The following ENC1 variants were observed in gnomAD, a reference collection of about 807,000 sequenced individuals.
ENC1 encodes ectodermal-neural cortex 1.
ENC1 carries 19 observed loss-of-function variants against 40.9 expected under a neutral mutation model. The ratio of observed to expected loss-of-function variants is 0.46; its 90% CI spans 0.32 to 0.68. The LOEUF (loss-of-function observed/expected upper bound fraction) is 0.68. Ranked by LOEUF, ENC1 falls within the 30% of genes least tolerant of loss-of-function variation. The pLI, the probability that ENC1 is intolerant of heterozygous loss-of-function variation, is 0.03. For missense variants in ENC1, 479 were observed against 737.5 expected, an observed-to-expected ratio of 0.65 and a Z score of 4.06; for synonymous variants, 285 against 291.1, an observed-to-expected ratio of 0.98 and a Z score of 0.21.
rs148438771 is a variant in ENC1, at chr5:74,635,148, T to C, written c.1338A>G (p.Leu446=). ...NAAVVSAKLK[L]FAFGGTSVSH... is the part of the protein sequence containing the mutation. ...TGACACTGGTACCTCCGAAAGCAAA[T>C]AACTTAAGTTTGGCACTCACTACTG... Residue 446 remains leucine, a synonymous_variant, in exon 2 of 3, where the codon TTA becomes TTG. Transcript: ENST00000302351. The surrounding 1 kb of genome is among the most constrained non-coding windows in gnomAD (Gnocchi z 5.5). The C allele has an allele frequency of 4.3e-6, 7 of 1,614,066 alleles. No individual in the cohort carries two copies. The highest frequency in any genetic ancestry group is 5.9e-6 in the Non-Finnish European group (7 of 1,180,038).
At chr5:74,631,284 A>G (rs1312705238) in intron 2 of ENC1, among the ~76,000 whole-genome samples, 1 of 151,928 alleles carries the variant, frequency 6.6e-6, no homozygotes, top group Non-Finnish European at 1.5e-5. Flanking sequence ...GGATAATCAA[A>G]GTAATTTCCT....
At chr5:74,631,209 AGAG>A (rs1747382853) in intron 2 of ENC1, among the ~76,000 whole-genome samples, 1 of 152,100 alleles carries the variant, frequency 6.6e-6, no homozygotes, top group Non-Finnish European at 1.5e-5. Flanking sequence ...AACAAAATCT[AGAG>A]AAGAAACAAA....
At position 74,636,306 on chromosome 5, in the gene ENC1, G is replaced by A; in HGVS notation, c.180C>T (p.His60=). The A allele has an allele frequency of 6.2e-7, 1 of 1,614,212 alleles. No individual in the cohort carries two copies. Among genetic ancestry groups the A allele is most frequent in the Non-Finnish European group, 8.5e-7 (1 of 1,180,046 alleles). ...LHAGNRTFPC[H]RAVLAACSRY... is the part of the protein sequence containing the mutation. ...GACTGCATGCAGCCAGCACTGCCCGGTGGCAAGGGAAGGTCCTATTTCCGG... is the reference window on the plus strand; with the variant it reads ...GACTGCATGCAGCCAGCACTGCCCGATGGCAAGGGAAGGTCCTATTTCCGG... Residue 60 remains histidine (H), a synonymous_variant, in exon 2 of 3, where the codon CAC becomes CAT. Transcript: ENST00000302351. The surrounding 1 kb of genome is among the most constrained non-coding windows in gnomAD (Gnocchi z 4.8).
At chr5:74,637,389 C>T (rs1747641291) in intron 1 of ENC1, 1 of 152,164 alleles carries the variant, frequency 6.6e-6, no homozygotes, top group Non-Finnish European at 1.5e-5. Context: ...ACAGCTCTAC[C>T]ACTGAAGAGT....
rs1747238134 is a variant in ENC1, at chr5:74,627,455, T to TG, written c.*2569dup. ...TTTATTGACCTTCAGTTTCACATTG[T>TG]GAAAAAAAAAAAAATAACAGTTTTA... On this transcript the variant is annotated 3_prime_UTR_variant, in exon 3 of 3. Coordinates refer to ENST00000302351, the MANE Select transcript of ENC1 (RefSeq NM_003633.4). 1 of 141,844 alleles carries TG rather than the reference T, an allele frequency of 7.1e-6. No homozygotes were observed. The highest frequency in any genetic ancestry group is 1.5e-5 in the Non-Finnish European group (1 of 65,642). 8.8% of individuals were successfully genotyped at this position (141,844 alleles called of 1,614,324 possible).
rs1747812820 is a variant in ENC1 at position 74,640,358 on chromosome 5, G to T, written c.-65C>A. On this transcript the variant is annotated 5_prime_UTR_variant, in exon 1 of 3. Coordinates refer to ENST00000302351, the MANE Select transcript of ENC1 (RefSeq NM_003633.4). ...AACTGAGTTCTAGCGACGGTCACGGGCAAGGAGGCGACGAACCGGTCGTCT... is the reference window on the plus strand; with the variant it reads ...AACTGAGTTCTAGCGACGGTCACGGTCAAGGAGGCGACGAACCGGTCGTCT... 6.6e-6 allele frequency: 1 copy of T among 152,396 alleles called. No individual in the cohort carries two copies. The highest frequency in any genetic ancestry group is 1.5e-5 in the Non-Finnish European group (1 of 68,172). 9.4% of individuals were successfully genotyped at this position (152,396 alleles called of 1,614,324 possible).
In ENC1 at chr5:74,634,894, C is replaced by T; in HGVS notation, c.1592G>A (p.Cys531Tyr). The T allele has an allele frequency of 6.2e-7, 1 of 1,614,224 alleles. No individual in the cohort carries two copies. The highest frequency in any genetic ancestry group is 8.5e-7 in the Non-Finnish European group (1 of 1,180,030). ...VGDVTAKRMS[C>Y]HAVASGNKLY... ...TTTGTTTCCAGAGGCCACAGCATGG[C>T]AGCTCATGCGCTTTGCTGTCACATC... Residue 531 changes from cysteine to tyrosine, a missense_variant, in exon 2 of 3, where the codon TGC (cysteine) becomes TAC (tyrosine). Coordinates refer to ENST00000302351, the MANE Select transcript of ENC1 (RefSeq NM_003633.4).
rs765082548 is a variant in ENC1 at position 74,633,768 on chromosome 5, A to G, written c.*32+916T>C. 2.2e-4 allele frequency among the ~76,000 whole-genome samples: 33 copies of G among 152,158 alleles called. 1 individual carries two copies. The highest frequency in any genetic ancestry group is 1.2e-3 in the Admixed American group (18 of 15,296). On this transcript the variant is annotated intron_variant, in intron 2 of 2. Transcript: ENST00000302351. Reference sequence around the variant, plus strand: ...GCTCCAGTGCTGATGCCCTAGAGCCAGACCCCCTGCATTGACTTCCTAACC... The same window carrying G: ...GCTCCAGTGCTGATGCCCTAGAGCCGGACCCCCTGCATTGACTTCCTAACC...
At position 74,628,715 on chromosome 5, in the gene ENC1, A is replaced by G. The variant is rs1401088071; in HGVS notation, c.*1310T>C. 6.6e-6 allele frequency: 1 copy of G among 152,214 alleles called. No homozygotes were observed. Among genetic ancestry groups the G allele is most frequent in the Non-Finnish European group, 1.5e-5 (1 of 68,040 alleles). The allele number at this position is 152,214 out of a possible 1,614,324, so 9.4% of individuals were successfully genotyped here. On this transcript the variant is annotated 3_prime_UTR_variant, in exon 3 of 3. Transcript: ENST00000302351. Reference sequence around the variant, plus strand: ...GACCTTCTAGAACTTGCTAAATCATATAGCAAGAAGAGAATGAGTTCAGGC... The same window carrying G: ...GACCTTCTAGAACTTGCTAAATCATGTAGCAAGAAGAGAATGAGTTCAGGC...
Position 74,635,599 on chromosome 5 carries a change from G to A in ENC1, c.887C>T (p.Ala296Val). Residue 296 changes from alanine to valine, a missense_variant, in exon 2 of 3, where the codon GCC (alanine) becomes GTC (valine). Coordinates refer to ENST00000302351, the MANE Select transcript of ENC1 (RefSeq NM_003633.4). This position sits in a 1 kb window ranked among gnomAD's most constrained non-coding sequence, Gnocchi z 5.5. Reference protein sequence around the residue: ...LCARPRKTGHALFLLGGQTFM... With the variant: ...LCARPRKTGHVLFLLGGQTFM... ...AGTCTGTCCTCCCAGAAGGAAGAGG[G>A]CATGGCCAGTTTTCCGAGGTCGGGC... 1 of 1,614,208 alleles carries A rather than the reference G, an allele frequency of 6.2e-7. No individual in the cohort carries two copies. Among genetic ancestry groups the A allele is most frequent in the Non-Finnish European group, 8.5e-7 (1 of 1,180,038 alleles).
In ENC1 at chr5:74,634,764, C is replaced by T. The variant is rs752456866; in HGVS notation, c.1722G>A (p.Ser574=). 32 of 1,613,586 alleles carry T rather than the reference C, an allele frequency of 2.0e-5. No homozygotes were observed. The highest frequency in any genetic ancestry group is 1.7e-4 in the African/African-American group (13 of 74,920). Residue 574 remains serine (S), a synonymous_variant, in exon 2 of 3, where the codon TCG becomes TCA. Coordinates refer to ENST00000302351, the MANE Select transcript of ENC1 (RefSeq NM_003633.4). ...TGCTGACAAATGCAGTAGGAATCAG[C>T]GAGTACGGGACAGTGGTGATGCTGT... The part of the protein sequence containing the change: ...VWNSITTVPY[S]LIPTAFVSTW...
In ENC1 at chr5:74,628,801, G is replaced by GTTA. The variant is rs111360570; in HGVS notation, c.*1221_*1223dup. On this transcript the variant is annotated 3_prime_UTR_variant, in exon 3 of 3. Transcript: ENST00000302351. ...ACTGCCGTTTTTCCCATTAAATGTG[G>GTTA]TTATGGCAAAGCATTCTTAGGGTAA... 81 of 152,214 alleles carry GTTA rather than the reference G, an allele frequency of 5.3e-4. No homozygotes were observed. Among genetic ancestry groups the GTTA allele is most frequent in the African/African-American group, 1.9e-3 (79 of 41,524 alleles). 9.4% of individuals were successfully genotyped at this position (152,214 alleles called of 1,614,324 possible). A position where few individuals can be genotyped will look rare whatever the true frequency, so the allele number is the denominator to read the frequency against.
chr5:74,630,611 T>C (rs893449235), intron 2 of ENC1, among the ~76,000 whole-genome samples: 1 of 152,202 alleles, frequency 6.6e-6, no homozygotes, highest in Non-Finnish European at 1.5e-5. Flanking sequence ...TTGGAGTTTA[T>C]TCTCAAAGTT....
Position 74,634,905 on chromosome 5 carries a change from C to T in ENC1, c.1581G>A (p.Lys527=). The T allele has an allele frequency of 6.2e-7, 1 of 1,614,214 alleles. No homozygotes were observed. The highest frequency in any genetic ancestry group is 1.1e-5 in the South Asian group (1 of 91,092). ...QWTKVGDVTA[K]RMSCHAVASG... is the part of the protein sequence containing the mutation. ...AGGCCACAGCATGGCAGCTCATGCGCTTTGCTGTCACATCTCCCACCTTGG... is the reference window on the plus strand; with the variant it reads ...AGGCCACAGCATGGCAGCTCATGCGTTTTGCTGTCACATCTCCCACCTTGG... Residue 527 remains lysine, a synonymous_variant, in exon 2 of 3, where the codon AAG becomes AAA. Transcript: ENST00000302351.
intron 2 of ENC1, among the ~76,000 whole-genome samples, chr5:74,630,423 A>G (rs192230452): frequency 6.6e-6 from 1 of 152,334 alleles, no homozygotes; most frequent in Non-Finnish European, 1.5e-5. Flanking sequence ...AAAAGAAGGG[A>G]GATTCCTGTG....
rs1479199548 is a variant in ENC1, at chr5:74,640,591, C to G, written c.-298G>C. ...AGAGCAAGCCTGCCACTGCAGGCGC[C>G]GCGGAAGGAGGCGGGCTGTGCGCTC... On this transcript the variant is annotated 5_prime_UTR_variant, in exon 1 of 3. Coordinates refer to ENST00000302351, the MANE Select transcript of ENC1 (RefSeq NM_003633.4). 6.6e-6 allele frequency: 1 copy of G among 152,368 alleles called. No individual in the cohort carries two copies. Among genetic ancestry groups the G allele is most frequent in the African/African-American group, 2.4e-5 (1 of 41,460 alleles). 9.4% of individuals were successfully genotyped at this position (152,368 alleles called of 1,614,324 possible).
Position 74,635,930 on chromosome 5 carries a change from G to A in ENC1, c.556C>T (p.Leu186Phe). 6.2e-7 allele frequency: 1 copy of A among 1,614,068 alleles called. No homozygotes were observed. Among genetic ancestry groups the A allele is most frequent in the Non-Finnish European group, 8.5e-7 (1 of 1,180,020 alleles). ...ACTACCATGTCCTGGGGCAGCTGGA[G>A]GAAATCTTCATTCTTCCTGATGGTT... ...FQTIRKNEDF[L>F]QLPQDMVVQL... The change falls in exon 2 of 3, where the codon CTC becomes TTC. Residue 186 changes from leucine to phenylalanine, a missense_variant. Physicochemically the swap from Leu to Phe is conservative, Grantham distance 22. Transcript: ENST00000302351. This position sits in a 1 kb window ranked among gnomAD's most constrained non-coding sequence, Gnocchi z 5.5.
rs1311741335 is a variant in ENC1 at position 74,640,504 on chromosome 5, C to T, written c.-211G>A. 6.6e-6 allele frequency: 1 copy of T among 152,312 alleles called. No individual in the cohort carries two copies. The highest frequency in any genetic ancestry group is 6.5e-5 in the Admixed American group (1 of 15,290). 9.4% of individuals were successfully genotyped at this position (152,312 alleles called of 1,614,324 possible). On this transcript the variant is annotated 5_prime_UTR_variant, in exon 1 of 3. Transcript: ENST00000302351. ...TGGCGTTCGCCTCCGTCTGTCGTCC[C>T]CACGCCGCGGACCCGGTGTCCAGGA... is the stretch of plus-strand genomic sequence containing the variant.
Position 74,629,470 on chromosome 5 carries a change from T to A in ENC1, c.*555A>T, listed in dbSNP as rs1747316796. On this transcript the variant is annotated 3_prime_UTR_variant, in exon 3 of 3. Transcript: ENST00000302351. Reference sequence around the variant, plus strand: ...CAAAGTCCCCATTGTTCAGAAACGTTCCTGGGGAGCAGACCCCTTAGAGAT... The same window carrying A: ...CAAAGTCCCCATTGTTCAGAAACGTACCTGGGGAGCAGACCCCTTAGAGAT... 1 of 152,206 alleles carries A rather than the reference T, an allele frequency of 6.6e-6. No homozygotes were observed. The highest frequency in any genetic ancestry group is 1.5e-5 in the Non-Finnish European group (1 of 68,036). 9.4% of individuals were successfully genotyped at this position (152,206 alleles called of 1,614,324 possible). A position where few individuals can be genotyped will look rare whatever the true frequency, so the allele number is the denominator to read the frequency against.
Sources: gnomAD v4.1 joint callset for allele counts (sites outside exome capture counted in the v4.1 genomes callset) on GRCh38, gnomAD v4.1.1 for gene constraint, Gnocchi (gnomAD v3.1) non-coding constraint, MANE v1.5 for transcripts, NCBI Gene and HGNC (gene_info 2026-07-23, HGNC 2026-07-21) for gene names.